The following CD86 variants were observed in gnomAD, a reference collection of about 807,000 sequenced individuals.
CD86 encodes CD86 molecule.
A neutral mutation model predicts 32.1 loss-of-function variants in CD86; 11 were observed. The ratio of observed to expected loss-of-function variants is 0.34; its 90% CI spans 0.22 to 0.57. The LOEUF (loss-of-function observed/expected upper bound fraction) is 0.57, where lower values mean the gene tolerates loss of function less well. Among genes scored for constraint, CD86 ranks in the 20% least tolerant of loss-of-function variants. The pLI is 0.86. For synonymous variants in CD86, 137 were observed against 135.3 expected (o/e 1.01, Z -0.09); for missense variants, 359 against 398.4 (o/e 0.90, Z 0.84).
chr3:122,091,457 G>A (rs2072818548), intron 1 of CD86, 144 bp from the exon 2 acceptor site: 1 of 692,034 alleles, frequency 1.4e-6, no homozygotes, highest in Non-Finnish European at 2.6e-6. Flanking sequence ...AAAGGAAATG[G>A]CTTTGATGAA....
chr3:122,068,565 C>T (rs2107505065), intron 1 of CD86, among the ~76,000 whole-genome samples: 1 of 152,270 alleles, frequency 6.6e-6, no homozygotes, highest in East Asian at 1.9e-4. Flanking sequence ...TTAATATTCT[C>T]AGATAAAGAT....
intron 1 of CD86, among the ~76,000 whole-genome samples, chr3:122,065,795 G>A (rs1229936405): frequency 6.6e-6 from 1 of 152,130 alleles, no homozygotes; most frequent in Non-Finnish European, 1.5e-5. Flanking sequence ...AAGATTCTAA[G>A]GAAAAGGCCG....
chr3:122,075,760 T>G (rs2107511487), intron 1 of CD86, among the ~76,000 whole-genome samples: 1 of 152,312 alleles, frequency 6.6e-6, no homozygotes, highest in Middle Eastern at 3.4e-3. Flanking sequence ...CTTTACTCCT[T>G]TTAATATCAT....
intron 6 of CD86, among the ~76,000 whole-genome samples, chr3:122,119,205 C>T (rs576006333): frequency 2.6e-5 from 4 of 152,326 alleles, no homozygotes; most frequent in Admixed American, 2.6e-4. Context: ...CAGCAGAGAA[C>T]CGGCAGAGGG....
chr3:122,081,905 G>T (rs975740397), intron 1 of CD86, among the ~76,000 whole-genome samples: 1 of 152,182 alleles, frequency 6.6e-6, no homozygotes. Flanking sequence ...TGGATCACTT[G>T]TAGCCAGCTC....
intron 1 of CD86, among the ~76,000 whole-genome samples, chr3:122,065,620 G>A (rs2107502410): frequency 6.6e-6 from 1 of 152,276 alleles, no homozygotes; most frequent in East Asian, 1.9e-4. Context: ...TCATTTATAT[G>A]AGCTGCTTGG....
rs1435377379 is a variant in CD86, at chr3:122,119,766, T to C, written c.*232T>C. The C allele has an allele frequency of 1.2e-5, 5 of 430,454 alleles. No homozygotes were observed. The highest frequency in any genetic ancestry group is 1.6e-5 in the Non-Finnish European group (4 of 246,068). 26.7% of individuals were successfully genotyped at this position (430,454 alleles called of 1,614,324 possible). A position where few individuals can be genotyped will look rare whatever the true frequency, so the allele number is the denominator to read the frequency against. ...TTCTTTTCACTTCAGAGCACACTTA[T>C]GGGCCAAGCCCAGCTTAATGGCTCA... On this transcript the variant is annotated 3_prime_UTR_variant, in exon 7 of 7. Transcript: ENST00000330540.
At chr3:122,069,489 A>G (rs1209889610) in intron 1 of CD86, among the ~76,000 whole-genome samples, 1 of 152,190 alleles carries the variant, frequency 6.6e-6, no homozygotes, top group East Asian at 1.9e-4. Flanking sequence ...ACCTTGGCCA[A>G]CCCCTGCCAT....
At chr3:122,078,996 C>A (rs942072202) in intron 1 of CD86, among the ~76,000 whole-genome samples, 1 of 152,140 alleles carries the variant, frequency 6.6e-6, no homozygotes, top group African/African-American at 2.4e-5. Context: ...TTTTATAAAT[C>A]TCTATTTATT....
chr3:122,079,106 A>T (rs2072594721), intron 1 of CD86, among the ~76,000 whole-genome samples: 2 of 152,230 alleles, frequency 1.3e-5, no homozygotes, highest in South Asian at 4.1e-4. Context: ...CTTGTTTTCT[A>T]GCCTAGTGGG....
Position 122,069,998 on chromosome 3 carries a change from CTTACCCTTTTGACAATTT to C in CD86, c.14+14498_14+14515del, listed in dbSNP as rs912105010. ...TTTCTAAAATGCATACACCCTAATG[CTTACCCTTTTGACAATTT>C]TTTCCTGAACCTACCTTTTAATATA... On this transcript the variant is annotated intron_variant, in intron 1 of 6. Coordinates refer to ENST00000330540, the MANE Select transcript of CD86 (RefSeq NM_175862.5). 4.6e-5 allele frequency among the ~76,000 whole-genome samples: 7 copies of C among 152,338 alleles called. No homozygotes were observed. The East Asian group carries it at 1.2e-3, about 25-fold the overall frequency.
rs2073045513 is a variant in CD86, at chr3:122,103,642, G to A, written c.195G>A (p.Leu65=). The stretch of plus-strand genomic sequence containing the variant: ...GGCAGGACCAGGAAAACTTGGTTCT[G>A]AATGAGGTATACTTAGGCAAAGAGA... The part of the protein sequence containing the change: ...VFWQDQENLV[L]NEVYLGKEKF... The change falls in exon 3 of 7, where the codon CTG becomes CTA. Residue 65 remains leucine, a synonymous_variant. Transcript: ENST00000330540. 1.2e-6 allele frequency: 2 copies of A among 1,614,008 alleles called. No homozygotes were observed. The highest frequency in any genetic ancestry group is 1.7e-6 in the Non-Finnish European group (2 of 1,179,910).
At chr3:122,114,390 A>T (rs6804964) in intron 5 of CD86, among the ~76,000 whole-genome samples, 33,039 of 152,108 alleles carry the variant, frequency 0.22, 4,188 homozygotes, top group East Asian at 0.6. Flanking sequence ...AAAGCAGACA[A>T]AATATATGAA....
chr3:122,085,142 G>A (rs551464895), intron 1 of CD86, among the ~76,000 whole-genome samples: 19 of 152,262 alleles, frequency 1.2e-4, no homozygotes, highest in East Asian at 1.2e-3. Context: ...TGGAAGAAAC[G>A]AATGAATGAA....
At position 122,119,391 on chromosome 3, in the gene CD86, T is replaced by C. The variant is rs371301345; in HGVS notation, c.894-47T>C. ...ATCATTGAAATCTAGAAAAAGAAAG[T>C]AGCTCAAATGTGAAATATCACCTAA... On this transcript the variant is annotated intron_variant, in intron 6 of 6. Transcript: ENST00000330540. 3 of 1,117,910 alleles carry C rather than the reference T, an allele frequency of 2.7e-6. No homozygotes were observed. In the African/African-American group the frequency reaches 4.6e-5, roughly 17 times the overall value. The allele number at this position is 1,117,910 out of a possible 1,614,324, so 69.2% of individuals were successfully genotyped here.
intron 1 of CD86, chr3:122,077,813 T>C: frequency 1.0e-6 from 1 of 985,488 alleles, no homozygotes; most frequent in African/African-American, 1.7e-5. Flanking sequence ...GCAAGAGCAC[T>C]GTCCCTGGCT....
At chr3:122,089,706 T>C (rs906582912) in intron 1 of CD86, among the ~76,000 whole-genome samples, 1 of 152,224 alleles carries the variant, frequency 6.6e-6, no homozygotes, top group Non-Finnish European at 1.5e-5. Flanking sequence ...GGAATATAGC[T>C]TACTCCCACC....
chr3:122,055,678 A>C (rs1017627268), intron 1 of CD86, among the ~76,000 whole-genome samples, 175 bp downstream of exon 1: 1 of 152,250 alleles, frequency 6.6e-6, no homozygotes, highest in Non-Finnish European at 1.5e-5. Context: ...TGCAATGCCC[A>C]AAGCAGTTCA....
intron 1 of CD86, among the ~76,000 whole-genome samples, chr3:122,058,652 G>A (rs1348912541): frequency 6.6e-6 from 1 of 152,082 alleles, no homozygotes; most frequent in Non-Finnish European, 1.5e-5. Flanking sequence ...GCTGGGTGGG[G>A]CCAGAACAAG....
Sources: allele counts gnomAD v4.1 joint callset (sites outside exome capture counted in the v4.1 genomes callset), GRCh38; gene constraint gnomAD v4.1.1; transcripts MANE v1.5; gene names NCBI Gene and HGNC (gene_info 2026-07-23, HGNC 2026-07-21).